Variants in GFPT1 observed in about 807,000 individuals in gnomAD.
GFPT1 encodes glutamine--fructose-6-phosphate aminotransferase [isomerizing] 1.
A neutral mutation model predicts 92.0 loss-of-function variants in GFPT1; 40 were observed. The ratio of observed to expected loss-of-function variants is 0.43; its 90% confidence interval spans 0.34 to 0.57. The LOEUF (loss-of-function observed/expected upper bound fraction) is 0.57, where lower values mean the gene tolerates loss of function less well. Ranked by LOEUF, GFPT1 falls within the 20% of genes least tolerant of loss-of-function variation. The pLI is 0.02. For missense variants in GFPT1, 448 were observed against 869.1 expected, an observed-to-expected ratio of 0.52 and a Z score of 6.09; for synonymous variants, 269 against 280.6, an observed-to-expected ratio of 0.96 and a Z score of 0.41.
chr2:69,370,937 T>C (rs1671730851), intron 2 of GFPT1, among the ~76,000 whole-genome samples: 1 of 149,530 alleles, frequency 6.7e-6, no homozygotes. Context: ...GAGGTGGAGG[T>C]TGCAGTGAGC....
In GFPT1 at chr2:69,387,079, G is replaced by A; in HGVS notation, c.-8C>T. 10 of 1,537,742 alleles carry A rather than the reference G, an allele frequency of 6.5e-6. No individual in the cohort carries two copies. The highest frequency in any genetic ancestry group is 8.7e-6 in the Non-Finnish European group (10 of 1,146,876). On this transcript the variant is annotated 5_prime_UTR_variant, in exon 1 of 20. Coordinates refer to ENST00000357308, the MANE Select transcript of GFPT1 (RefSeq NM_001244710.2). ...GGCCCCCTTACCACACATGATGCCG[G>A]AGACACGGCCCGCGAGGCCAGGGGC...
rs1039352448 is a variant in GFPT1 at position 69,326,084 on chromosome 2, T to TA, written c.*104dup. ...AACTGATATATAAATAAGGATTTAC[T>TA]AAAAAAAGGCTTCAAGGGGTGATAT... On this transcript the variant is annotated 3_prime_UTR_variant, in exon 20 of 20. Transcript: ENST00000357308. 32 of 714,572 alleles carry TA rather than the reference T, an allele frequency of 4.5e-5. No individual in the cohort carries two copies. Among genetic ancestry groups the TA allele is most frequent in the African/African-American group, 3.2e-4 (18 of 55,730 alleles). 44.3% of individuals were successfully genotyped at this position (714,572 alleles called of 1,614,324 possible).
intron 18 of GFPT1, among the ~76,000 whole-genome samples, chr2:69,327,794 T>C (rs758486552): frequency 9.2e-5 from 14 of 152,114 alleles, no homozygotes; most frequent in Non-Finnish European, 1.6e-4. Context: ...TCTATGACCT[T>C]GGTCTTCTTA....
At chr2:69,373,947 A>G in intron 2 of GFPT1, 59 bp downstream of exon 2, 1 of 832,280 alleles carries the variant, frequency 1.2e-6, no homozygotes, top group Non-Finnish European at 2.1e-6. Flanking sequence ...CCTAATAACA[A>G]TAAAAATAGT....
At position 69,329,335 on chromosome 2, in the gene GFPT1, G is replaced by A. The variant is rs757328377; in HGVS notation, c.1687C>T (p.Arg563Ter). The A allele has an allele frequency of 2.5e-6, 4 of 1,612,890 alleles. No homozygotes were observed. The highest frequency in any genetic ancestry group is 3.4e-6 in the Non-Finnish European group (4 of 1,178,926). Residue 563 changes from arginine (R) to a stop codon, truncating the protein, a stop_gained, in exon 17 of 20, where the codon CGA becomes TGA. Coordinates refer to ENST00000357308, the MANE Select transcript of GFPT1 (RefSeq NM_001244710.2). LOFTEE classifies it high-confidence loss of function. ...YHQKSVLIMG[R>*]GYHYATCLEG... ...AGACAAGTAGCATAATGATAGCCTC[G>A]TCCCATTATCAGAACTGACTTCTGA...
chr2:69,320,706 T>A lies in GFPT1; in HGVS notation c.*5483A>T, dbSNP rs1209829263. 1.3e-5 allele frequency: 2 copies of A among 151,768 alleles called. No individual in the cohort carries two copies. The highest frequency in any genetic ancestry group is 2.9e-5 in the Non-Finnish European group (2 of 68,008). 9.4% of individuals were successfully genotyped at this position (151,768 alleles called of 1,614,324 possible). A position where few individuals can be genotyped will look rare whatever the true frequency, so the allele number is the denominator to read the frequency against. On this transcript the variant is annotated 3_prime_UTR_variant, in exon 20 of 20. Coordinates refer to ENST00000357308, the MANE Select transcript of GFPT1 (RefSeq NM_001244710.2). ...CAGAGGCTGAGGCAAAAGACTCGTG[T>A]GAACACGGGAGGTGGAAGTTGCAGT...
chr2:69,331,359 G>T (rs1574043840), intron 15 of GFPT1, among the ~76,000 whole-genome samples: 1 of 151,998 alleles, frequency 6.6e-6, no homozygotes, highest in South Asian at 2.1e-4. Context: ...TTTTAAGAAG[G>T]TAGTTATTGT....
chr2:69,337,839 AGT>A, intron 15 of GFPT1, 57 bp downstream of exon 15: 1 of 1,319,532 alleles, frequency 7.6e-7, no homozygotes, highest in Non-Finnish European at 1.1e-6. Context: ...TCTACAGACT[AGT>A]CTGCTTCACT....
intron 3 of GFPT1, among the ~76,000 whole-genome samples, chr2:69,366,711 C>A (rs753996136): frequency 3.3e-5 from 5 of 152,196 alleles, no homozygotes; most frequent in African/African-American, 4.8e-5. Flanking sequence ...TGGTAATTAT[C>A]TGCTTTAAGT....
intron 12 of GFPT1, among the ~76,000 whole-genome samples, chr2:69,343,316 G>A (rs1463917104): frequency 6.7e-6 from 1 of 150,372 alleles, no homozygotes; most frequent in Non-Finnish European, 1.5e-5. Flanking sequence ...ATCTGGCTGA[G>A]GAGAATGACA....
intron 3 of GFPT1, among the ~76,000 whole-genome samples, chr2:69,369,466 T>C (rs1671690979): frequency 6.6e-6 from 1 of 152,222 alleles, no homozygotes; most frequent in African/African-American, 2.4e-5. Context: ...ATGATCTAAA[T>C]ACTGAGAAGT....
chr2:69,354,457 C>G, intron 8 of GFPT1, 32 bp downstream of exon 8: 1 of 1,364,234 alleles, frequency 7.3e-7, no homozygotes, highest in Non-Finnish European at 1.0e-6. Flanking sequence ...TTCTTCATAT[C>G]TACTGCACTG....
At position 69,321,886 on chromosome 2, in the gene GFPT1, T is replaced by C. The variant is rs2104586693; in HGVS notation, c.*4303A>G. 1 of 152,348 alleles carries C rather than the reference T, an allele frequency of 6.6e-6. No individual in the cohort carries two copies. The highest frequency in any genetic ancestry group is 1.9e-4 in the East Asian group (1 of 5,190). 9.4% of individuals were successfully genotyped at this position (152,348 alleles called of 1,614,324 possible). A position where few individuals can be genotyped will look rare whatever the true frequency, so the allele number is the denominator to read the frequency against. On this transcript the variant is annotated 3_prime_UTR_variant, in exon 20 of 20. Transcript: ENST00000357308. ...ATTTTGATGTCAAGTTATTACAGAC[T>C]TAAAAGTTAATATAGCATAATTTTA...
intron 9 of GFPT1, among the ~76,000 whole-genome samples, chr2:69,350,958 T>C (rs946174034): frequency 6.6e-6 from 1 of 152,014 alleles, no homozygotes; most frequent in African/African-American, 2.4e-5. Flanking sequence ...AATTAATTTT[T>C]ATTGTATCAT....
chr2:69,376,129 C>A (rs1300596216), intron 1 of GFPT1, among the ~76,000 whole-genome samples: 3 of 152,236 alleles, frequency 2.0e-5, no homozygotes, highest in Admixed American at 6.5e-5. Flanking sequence ...AAAGATTAAA[C>A]ACGTACAGAT....
intron 2 of GFPT1, among the ~76,000 whole-genome samples, chr2:69,373,373 T>G (rs1193320614): frequency 6.6e-6 from 1 of 152,132 alleles, no homozygotes. Context: ...TCCCAGCACT[T>G]TGAAAGGCCA....
At chr2:69,384,724 G>A (rs1431170871) in intron 1 of GFPT1, among the ~76,000 whole-genome samples, 36 of 118,340 alleles carry the variant, frequency 3.0e-4, no homozygotes, top group South Asian at 8.2e-4. Flanking sequence ...AAAAAAGAAA[G>A]AAAGAAAAGA....
chr2:69,374,830 C>G (rs1305670303), intron 1 of GFPT1, among the ~76,000 whole-genome samples: 1 of 152,120 alleles, frequency 6.6e-6, no homozygotes, highest in African/African-American at 2.4e-5. Flanking sequence ...AATAACCATG[C>G]TATCAGTGAC....
chr2:69,387,047 C>CG lies in GFPT1; in HGVS notation c.7+17dup. Reference sequence around the variant, plus strand: ...CAGCGCCACCCGGCAACACGCCCCCCGCTCCCGGCCCCCTTACCACACATG... The same window carrying CG: ...CAGCGCCACCCGGCAACACGCCCCCCGGCTCCCGGCCCCCTTACCACACATG... On this transcript the variant is annotated intron_variant, in intron 1 of 19. Coordinates refer to ENST00000357308, the MANE Select transcript of GFPT1 (RefSeq NM_001244710.2). 1 of 1,526,844 alleles carries CG rather than the reference C, an allele frequency of 6.5e-7. No homozygotes were observed. Among genetic ancestry groups the CG allele is most frequent in the Non-Finnish European group, 8.8e-7 (1 of 1,137,252 alleles). 94.6% of individuals were successfully genotyped at this position (1,526,844 alleles called of 1,614,324 possible).
Sources: allele counts gnomAD v4.1 joint callset (sites outside exome capture counted in the v4.1 genomes callset), GRCh38; gene constraint gnomAD v4.1.1; transcripts MANE v1.5; gene names NCBI Gene and HGNC (gene_info 2026-07-23, HGNC 2026-07-21).